The following DCHS2 variants were observed in gnomAD, a reference collection of about 807,000 sequenced individuals.
DCHS2 encodes dachsous cadherin-related 2.
DCHS2 carries 142 observed loss-of-function variants against 182.4 expected under a neutral mutation model. The observed-to-expected ratio is 0.78, with a 90% confidence interval of 0.68 to 0.89. The LOEUF (loss-of-function observed/expected upper bound fraction) is 0.89. Ranked by LOEUF, DCHS2 falls within the 40% of genes least tolerant of loss-of-function variation. DCHS2 has a pLI of 0.00. For synonymous variants in DCHS2, 1,740 were observed against 1,663.3 expected, an observed-to-expected ratio of 1.05 and a Z score of -1.12; for missense variants, 4,319 against 4,198.6, an observed-to-expected ratio of 1.03 and a Z score of -0.79.
chr4:154,242,267 C>T (rs952918647), intron 17 of DCHS2, among the ~76,000 whole-genome samples: 2 of 152,112 alleles, frequency 1.3e-5, no homozygotes, highest in Non-Finnish European at 2.9e-5. Flanking sequence ...AGTTGTTGTT[C>T]GTATCCTGAA....
chr4:154,306,442 C>T (rs773010655), intron 10 of DCHS2, among the ~76,000 whole-genome samples: 1 of 151,994 alleles, frequency 6.6e-6, no homozygotes, highest in Non-Finnish European at 1.5e-5. Context: ...TATAGCAAGA[C>T]AGAATTTCTT....
rs201245870 is a variant in DCHS2, at chr4:154,320,754, A to G, written c.4645T>C (p.Tyr1549His). ...GTGCCAGGGTTGTGGGATTCAATGT[A>G]GTATTGTATTCTACTGTTCAAAAAA... ...GSFLNSRIQY[Y>H]IESHNPGTNP... Residue 1549 changes from tyrosine (Y) to histidine (H), a missense_variant, in exon 9 of 20, where the codon TAC (tyrosine) becomes CAC (histidine). Physicochemically the swap from Tyr to His is moderately conservative, Grantham distance 83. Coordinates refer to ENST00000357232, the MANE Select transcript of DCHS2 (RefSeq NM_001358235.2). The G allele has an allele frequency of 5.0e-6, 8 of 1,613,976 alleles. No individual in the cohort carries two copies. Among genetic ancestry groups the G allele is most frequent in the Non-Finnish European group, 6.8e-6 (8 of 1,180,012 alleles).
At chr4:154,407,315 T>C (rs1039344605) in intron 1 of DCHS2, among the ~76,000 whole-genome samples, 3 of 152,160 alleles carry the variant, frequency 2.0e-5, no homozygotes, top group African/African-American at 7.2e-5. Context: ...TCTCTGTTAA[T>C]TTGCTATTGA....
intron 1 of DCHS2, among the ~76,000 whole-genome samples, chr4:154,405,734 A>T (rs943852141): frequency 6.6e-6 from 1 of 152,202 alleles, no homozygotes. Flanking sequence ...GTCCTCGAAC[A>T]CATTTTTTAG....
chr4:154,266,159 A>C (rs1221692494), intron 14 of DCHS2, among the ~76,000 whole-genome samples: 2 of 152,192 alleles, frequency 1.3e-5, no homozygotes, highest in Non-Finnish European at 2.9e-5. Context: ...TGACATGGGC[A>C]CTGTGACATA....
rs1169569414 is a variant in DCHS2, at chr4:154,490,378, C to T, written c.978G>A (p.Gly326=). ...CRVRATDRDL[G]PNGFVRYSVR... The stretch of plus-strand genomic sequence containing the variant: ...CGCTGTAGCGCACGAAGCCATTGGG[C>T]CCCAGGTCGCGGTCGGTGGCGCGCA... The change falls in exon 1 of 20, where the codon GGG becomes GGA. Residue 326 remains glycine, a synonymous_variant. Coordinates refer to ENST00000357232, the MANE Select transcript of DCHS2 (RefSeq NM_001358235.2). The T allele has an allele frequency of 1.7e-5, 26 of 1,535,068 alleles. No homozygotes were observed. The Admixed American group carries it at 4.9e-4, about 29-fold the overall frequency.
intron 14 of DCHS2, among the ~76,000 whole-genome samples, chr4:154,267,423 T>A (rs1001786054): frequency 1.3e-5 from 2 of 152,034 alleles, no homozygotes; most frequent in Non-Finnish European, 2.9e-5. Context: ...CCTTTCCTCA[T>A]CCAAGTATTT....
At chr4:154,472,827 C>A (rs927307880) in intron 1 of DCHS2, among the ~76,000 whole-genome samples, 1 of 152,078 alleles carries the variant, frequency 6.6e-6, no homozygotes, top group African/African-American at 2.4e-5. Flanking sequence ...CATACACACA[C>A]ATATCACATC....
At chr4:154,345,608 G>A (rs1729321351) in intron 3 of DCHS2, among the ~76,000 whole-genome samples, 1 of 152,080 alleles carries the variant, frequency 6.6e-6, no homozygotes, top group African/African-American at 2.4e-5. Flanking sequence ...TAACTCCCCT[G>A]TTGTTTCCTT....
intron 1 of DCHS2, chr4:154,391,142 T>A: frequency 6.2e-7 from 1 of 1,601,116 alleles, no homozygotes; most frequent in South Asian, 1.1e-5. Flanking sequence ...AGCTGATACT[T>A]ATTTTTAATT....
chr4:154,232,491 ATAAC>A lies in DCHS2; in HGVS notation c.*2041_*2044del, dbSNP rs1560966239. ...ATGAGTAAATAAATCACAGTAATAA[ATAAC>A]TAACTTAGGGAATAGGTAGATGAAT... On this transcript the variant is annotated 3_prime_UTR_variant, in exon 20 of 20. Coordinates refer to ENST00000357232, the MANE Select transcript of DCHS2 (RefSeq NM_001358235.2). 1 of 152,190 alleles carries A rather than the reference ATAAC, an allele frequency of 6.6e-6. No homozygotes were observed. The highest frequency in any genetic ancestry group is 6.6e-5 in the Admixed American group (1 of 15,246). 9.4% of individuals were successfully genotyped at this position (152,190 alleles called of 1,614,324 possible). A position where few individuals can be genotyped will look rare whatever the true frequency, so the allele number is the denominator to read the frequency against.
intron 13 of DCHS2, among the ~76,000 whole-genome samples, chr4:154,297,108 G>C (rs1734959964): frequency 1.3e-5 from 2 of 152,204 alleles, no homozygotes; most frequent in South Asian, 4.1e-4. Context: ...AGCTTGAAAT[G>C]TCAATCAATA....
chr4:154,291,108 C>T (rs543949906), intron 13 of DCHS2, among the ~76,000 whole-genome samples: 1 of 151,846 alleles, frequency 6.6e-6, no homozygotes, highest in South Asian at 2.1e-4. Context: ...TCTAATAATC[C>T]GATTAAAAAA....
At chr4:154,334,445 C>T (rs1728681092) in intron 4 of DCHS2, 1 of 160,928 alleles carries the variant, frequency 6.2e-6, no homozygotes, top group African/African-American at 2.4e-5. Flanking sequence ...TATAAACTGT[C>T]TTTTAAGGAA....
intron 1 of DCHS2, among the ~76,000 whole-genome samples, chr4:154,467,464 T>C (rs1424858683): frequency 6.6e-6 from 1 of 152,192 alleles, no homozygotes; most frequent in Non-Finnish European, 1.5e-5. Flanking sequence ...CTATAGCCAC[T>C]GTAATAATTT....
At chr4:154,444,618 A>G (rs1298899935) in intron 1 of DCHS2, among the ~76,000 whole-genome samples, 1 of 152,074 alleles carries the variant, frequency 6.6e-6, no homozygotes, top group African/African-American at 2.4e-5. Flanking sequence ...GCTTGGAATC[A>G]TGCTGTATCA....
chr4:154,391,209 A>G (rs756340097), intron 1 of DCHS2: 1 of 1,613,802 alleles, frequency 6.2e-7, no homozygotes, highest in African/African-American at 1.3e-5. Flanking sequence ...CACCTCATAT[A>G]CACAGGCATC....
At chr4:154,297,631 C>G (rs932283038) in intron 13 of DCHS2, among the ~76,000 whole-genome samples, 1 of 152,156 alleles carries the variant, frequency 6.6e-6, no homozygotes, top group African/African-American at 2.4e-5. Context: ...GAGGGCCCTC[C>G]TTTAGAGGTC....
At chr4:154,378,302 A>G (rs1731005744) in intron 1 of DCHS2, among the ~76,000 whole-genome samples, 1 of 152,132 alleles carries the variant, frequency 6.6e-6, no homozygotes, top group African/African-American at 2.4e-5. Context: ...ATAGAACTCA[A>G]AAAATTCTCA....
Sources: allele counts gnomAD v4.1 joint callset (sites outside exome capture counted in the v4.1 genomes callset), GRCh38; gene constraint gnomAD v4.1.1; transcripts MANE v1.5; gene names NCBI Gene and HGNC (gene_info 2026-07-23, HGNC 2026-07-21).